Variants in NCOA7 observed in about 807,000 individuals in gnomAD.
NCOA7 encodes 140 kDa estrogen receptor-associated protein.
Under a neutral mutation model 104.3 loss-of-function variants are expected in NCOA7, and 45 were observed. The ratio of observed to expected loss-of-function variants is 0.43; its 90% CI spans 0.34 to 0.55. The LOEUF is 0.55. Among genes scored for constraint, NCOA7 ranks in the 20% least tolerant of loss-of-function variants. The pLI is 0.02. For missense variants in NCOA7, 1,041 were observed against 1,119.7 expected (o/e 0.93, Z 1.00); for synonymous variants, 398 against 402.3 (o/e 0.99, Z 0.13).
Position 125,862,061 on chromosome 6 carries a change from AAAAG to A in NCOA7, c.271+6826_271+6829del, listed in dbSNP as rs1242557979. On this transcript the variant is annotated intron_variant, in intron 3 of 15. Coordinates refer to ENST00000392477, the MANE Select transcript of NCOA7 (RefSeq NM_181782.5). ...TCAAAAAAAAAAAAAAAAAAAAAAA[AAAAG>A]AAAGTGATAAGATGACAGGTAGGGG... Among the ~76,000 whole-genome samples the A allele has an allele frequency of 2.0e-3, 231 of 117,010 alleles. 18 individuals carry two copies. The highest frequency in any genetic ancestry group is 3.5e-3 in the Non-Finnish European group (190 of 55,018). The allele number at this position is 117,010 out of a possible 152,430, so 76.8% of individuals were successfully genotyped here. A position where few individuals can be genotyped will look rare whatever the true frequency, so the allele number is the denominator to read the frequency against.
intron 13 of NCOA7, among the ~76,000 whole-genome samples, chr6:125,926,629 A>C (rs1178193882): frequency 6.6e-6 from 1 of 152,152 alleles, no homozygotes; most frequent in Non-Finnish European, 1.5e-5. Flanking sequence ...GAAGTATGAA[A>C]AATACTGGTT....
At chr6:125,926,267 A>G (rs1449254413) in intron 13 of NCOA7, among the ~76,000 whole-genome samples, 1 of 150,034 alleles carries the variant, frequency 6.7e-6, no homozygotes, top group Admixed American at 6.7e-5. Context: ...GGCTGAGATC[A>G]TGCCATTGCA....
chr6:125,912,399 T>A lies in NCOA7; in HGVS notation c.2097-2934T>A, dbSNP rs182692770. ...GTGGGCATGGAGGACTAGGTAAGCATACTAAGAGTCTATATGTATATTTAC... is the reference window on the plus strand; with the variant it reads ...GTGGGCATGGAGGACTAGGTAAGCAAACTAAGAGTCTATATGTATATTTAC... On this transcript the variant is annotated intron_variant, in intron 10 of 15. Coordinates refer to ENST00000392477, the MANE Select transcript of NCOA7 (RefSeq NM_181782.5). 2.6e-5 allele frequency among the ~76,000 whole-genome samples: 4 copies of A among 152,346 alleles called. No individual in the cohort carries two copies. In the East Asian group the frequency reaches 5.8e-4, roughly 22 times the overall value.
At chr6:125,825,208 C>T (rs139397638) in intron 2 of NCOA7, among the ~76,000 whole-genome samples, 138 of 149,892 alleles carry the variant, frequency 9.2e-4, no homozygotes, top group African/African-American at 3.3e-3. Context: ...GACATGACAG[C>T]ACATGCCTGT....
intron 2 of NCOA7, 148 bp downstream of exon 2, chr6:125,815,552 A>G (rs1023135440): frequency 6.5e-6 from 4 of 612,946 alleles, no homozygotes; most frequent in African/African-American, 5.6e-5. Flanking sequence ...ACTTTGCTTC[A>G]TCCATTTTAT....
At chr6:125,813,912 G>C (rs914417516) in intron 1 of NCOA7, among the ~76,000 whole-genome samples, 1 of 79,392 alleles carries the variant, frequency 1.3e-5, no homozygotes, top group African/African-American at 3.6e-5. Flanking sequence ...GCTAAATTTA[G>C]CTAATTAAGT....
At chr6:125,915,615 T>C (rs1474729431) in intron 11 of NCOA7, 135 bp downstream of exon 11, 1 of 1,076,552 alleles carries the variant, frequency 9.3e-7, no homozygotes, top group Admixed American at 2.7e-5. Context: ...GAAAATAACT[T>C]TATTCCTCCG....
intron 2 of NCOA7, among the ~76,000 whole-genome samples, chr6:125,839,008 G>A (rs1262341814): frequency 1.3e-5 from 2 of 152,112 alleles, no homozygotes; most frequent in African/African-American, 2.4e-5. Context: ...GACGCATAGT[G>A]TGTTCATCAC....
At chr6:125,836,667 C>T (rs1779630316) in intron 2 of NCOA7, among the ~76,000 whole-genome samples, 1 of 152,042 alleles carries the variant, frequency 6.6e-6, no homozygotes. Flanking sequence ...TCCAACATTA[C>T]AAATGTTCAA....
At chr6:125,788,764 G>A (rs1488523921), upstream of NCOA7, among the ~76,000 whole-genome samples, 1 of 145,860 alleles carries the variant, frequency 6.9e-6, no homozygotes, top group African/African-American at 2.5e-5. Context: ...GGATGGTCTC[G>A]ATCTCTTGAC....
chr6:125,838,953 G>C (rs1225612562), intron 2 of NCOA7, among the ~76,000 whole-genome samples: 1 of 152,142 alleles, frequency 6.6e-6, no homozygotes, highest in Non-Finnish European at 1.5e-5. Context: ...TTCAGGGGTG[G>C]TGCCAACAAG....
chr6:125,782,060 T>C (rs1406333069), intron 1 of NCOA7, among the ~76,000 whole-genome samples: 1 of 152,218 alleles, frequency 6.6e-6, no homozygotes, highest in East Asian at 1.9e-4. Context: ...TGTTTAAGCC[T>C]TAGTATTTAA....
intron 13 of NCOA7, among the ~76,000 whole-genome samples, chr6:125,927,085 T>C (rs1788098606): frequency 6.6e-6 from 1 of 152,232 alleles, no homozygotes; most frequent in Non-Finnish European, 1.5e-5. Context: ...GGGTTATTTG[T>C]TTCTTAAAAG....
Position 125,889,035 on chromosome 6 carries a change from T to C in NCOA7, c.981T>C (p.Ser327=), listed in dbSNP as rs779765540. Reference sequence around the variant, plus strand: ...TCAACCCATTCAGTAAGTTCAAATCTATCAACAAGGAAAAACGACAGCAGA... The same window carrying C: ...TCAACCCATTCAGTAAGTTCAAATCCATCAACAAGGAAAAACGACAGCAGA... ...KDINPFSKFK[S]INKEKRQQNG... is the part of the protein sequence containing the mutation. The change falls in exon 9 of 16, where the codon TCT becomes TCC. Residue 327 remains serine (S), a synonymous_variant. Coordinates refer to ENST00000392477, the MANE Select transcript of NCOA7 (RefSeq NM_181782.5). 3.1e-6 allele frequency: 5 copies of C among 1,614,010 alleles called. No homozygotes were observed. The highest frequency in any genetic ancestry group is 1.7e-4 in the Middle Eastern group (1 of 6,058).
intron 2 of NCOA7, among the ~76,000 whole-genome samples, chr6:125,852,926 A>G (rs898504218): frequency 2.0e-5 from 3 of 152,174 alleles, no homozygotes; most frequent in Non-Finnish European, 2.9e-5. Context: ...TTTTGGTTCC[A>G]TATGAGTTTT....
intron 1 of NCOA7, among the ~76,000 whole-genome samples, chr6:125,800,083 G>A (rs1020064962): frequency 6.6e-6 from 1 of 152,068 alleles, no homozygotes; most frequent in African/African-American, 2.4e-5. Context: ...TATAATAGGG[G>A]GCTAGTAATA....
chr6:125,869,012 TTC>T (rs765002493), intron 3 of NCOA7, among the ~76,000 whole-genome samples: 15 of 152,228 alleles, frequency 9.9e-5, no homozygotes, highest in Non-Finnish European at 2.1e-4. Context: ...TTTTCCAAAC[TTC>T]TGTTTGTGCT....
chr6:125,782,820 C>T (rs1774286577), intron 1 of NCOA7, among the ~76,000 whole-genome samples: 1 of 152,108 alleles, frequency 6.6e-6, no homozygotes, highest in Non-Finnish European at 1.5e-5. Flanking sequence ...TGTCCTAATC[C>T]CCAGAACATG....
intron 13 of NCOA7, among the ~76,000 whole-genome samples, chr6:125,926,316 A>G (rs554690757): frequency 3.9e-5 from 6 of 152,086 alleles, no homozygotes; most frequent in African/African-American, 1.2e-4. Flanking sequence ...CATCTCAAAA[A>G]AAAAAAAAGG....
Sources: gnomAD v4.1 joint callset for allele counts (sites outside exome capture counted in the v4.1 genomes callset) on GRCh38, gnomAD v4.1.1 for gene constraint, MANE v1.5 for transcripts, NCBI Gene and HGNC (gene_info 2026-07-23, HGNC 2026-07-21) for gene names.